ADGRB3: variants seen among roughly 807,000 people sequenced by gnomAD.
ADGRB3 encodes the protein brain-specific angiogenesis inhibitor 3.
Under a neutral mutation model 193.4 loss-of-function variants are expected in ADGRB3, and 37 were observed. The observed-to-expected ratio is 0.19, with a 90% confidence interval of 0.15 to 0.25. The LOEUF (loss-of-function observed/expected upper bound fraction) is 0.25, where lower values mean the gene tolerates loss of function less well. Ranked by LOEUF, ADGRB3 falls within the 10% of genes least tolerant of loss-of-function variation. ADGRB3 has a pLI of 1.00. For synonymous variants in ADGRB3, 690 were observed against 644.2 expected (o/e 1.07, Z -1.08); for missense variants, 1,637 against 1,852.9 (o/e 0.88, Z 2.14).
chr6:68,807,534 C>A (rs571664536), intron 3 of ADGRB3, among the ~76,000 whole-genome samples: 1 of 152,164 alleles, frequency 6.6e-6, no homozygotes, highest in Admixed American at 6.5e-5. Flanking sequence ...GCCACCGCGC[C>A]TGGCCGGATG....
At chr6:68,985,308 C>T (rs186920561) in intron 10 of ADGRB3, among the ~76,000 whole-genome samples, 1 of 152,234 alleles carries the variant, frequency 6.6e-6, no homozygotes, top group Non-Finnish European at 1.5e-5. Flanking sequence ...GAAAAGTGCT[C>T]TTTGTGATTC....
chr6:68,790,798 C>G (rs1331636260), intron 3 of ADGRB3, among the ~76,000 whole-genome samples: 1 of 152,108 alleles, frequency 6.6e-6, no homozygotes, highest in Non-Finnish European at 1.5e-5. Context: ...ACGTCACCAT[C>G]ATCAAAGACC....
chr6:68,799,019 A>G (rs1480359147), intron 3 of ADGRB3, among the ~76,000 whole-genome samples: 1 of 152,188 alleles, frequency 6.6e-6, no homozygotes, highest in Non-Finnish European at 1.5e-5. Flanking sequence ...AAGACAGTGA[A>G]AGGTTTAAAG....
At chr6:69,156,927 A>G (rs1054098495) in intron 17 of ADGRB3, among the ~76,000 whole-genome samples, 7 of 152,202 alleles carry the variant, frequency 4.6e-5, no homozygotes, top group Admixed American at 1.3e-4. Flanking sequence ...AGCAATATTT[A>G]TTACTATTCC....
chr6:68,765,535 T>TACACACACACAC, intron 3 of ADGRB3, among the ~76,000 whole-genome samples: 1 of 64,270 alleles, frequency 1.6e-5, no homozygotes, highest in Admixed American at 2.0e-4. Context: ...TATATTCTTA[T>TACACACACACAC]AGACACACAC....
intron 6 of ADGRB3, among the ~76,000 whole-genome samples, chr6:68,952,790 T>G (rs559886499): frequency 1.5e-4 from 23 of 152,318 alleles, no homozygotes; most frequent in African/African-American, 5.3e-4. Flanking sequence ...ACTGACTTTG[T>G]GAACAAAACT....
chr6:68,945,355 CTTAT>C (rs990780684), intron 6 of ADGRB3, among the ~76,000 whole-genome samples: 8 of 151,950 alleles, frequency 5.3e-5, no homozygotes, highest in South Asian at 2.1e-4. Flanking sequence ...ACCATGATTA[CTTAT>C]TTGTTAACCA....
At position 69,077,244 on chromosome 6, in the gene ADGRB3, T is replaced by C. The variant is rs181203709; in HGVS notation, c.2480+1206T>C. Among the ~76,000 whole-genome samples the C allele has an allele frequency of 4.7e-4, 71 of 152,052 alleles. 1 individual carries two copies. Among genetic ancestry groups the C allele is most frequent in the African/African-American group, 1.6e-3 (67 of 41,548 alleles). On this transcript the variant is annotated intron_variant, in intron 17 of 31. Transcript: ENST00000370598. ...ATGATAGTAAAATTTTTGCAAGCTTTCTCTCTCTACCAATAGCCAGAGAAG... is the reference window on the plus strand; with the variant it reads ...ATGATAGTAAAATTTTTGCAAGCTTCCTCTCTCTACCAATAGCCAGAGAAG...
chr6:69,014,001 A>T (rs1269384877), intron 11 of ADGRB3, 37 bp from the exon 12 acceptor site: 3 of 1,377,852 alleles, frequency 2.2e-6, no homozygotes, highest in Admixed American at 3.9e-5. Flanking sequence ...TAATTCTCTC[A>T]TGTAATATTA....
At chr6:69,220,846 A>G (rs1765878486) in intron 17 of ADGRB3, among the ~76,000 whole-genome samples, 1 of 152,140 alleles carries the variant, frequency 6.6e-6, no homozygotes, top group Non-Finnish European at 1.5e-5. Context: ...CATATTTCTC[A>G]AGCTTTTTGA....
At chr6:69,089,476 G>A (rs953494858) in intron 17 of ADGRB3, among the ~76,000 whole-genome samples, 1 of 152,084 alleles carries the variant, frequency 6.6e-6, no homozygotes, top group Non-Finnish European at 1.5e-5. Context: ...AGGATACCTA[G>A]AAATACATGG....
chr6:69,178,605 G>T (rs775427481), intron 17 of ADGRB3, among the ~76,000 whole-genome samples: 40 of 152,084 alleles, frequency 2.6e-4, no homozygotes, highest in Non-Finnish European at 5.1e-4. Flanking sequence ...TCATTTCCAT[G>T]TTTAGAACTC....
At chr6:69,331,518 T>G (rs1166773291) in intron 23 of ADGRB3, 8 of 984,984 alleles carry the variant, frequency 8.1e-6, no homozygotes, top group South Asian at 4.7e-5. Flanking sequence ...GATATGTCTG[T>G]TTTTTTCTCC....
chr6:69,061,307 C>T (rs1771743040), intron 15 of ADGRB3, among the ~76,000 whole-genome samples: 1 of 151,812 alleles, frequency 6.6e-6, no homozygotes, highest in Admixed American at 6.6e-5. Context: ...TAGTAAATTC[C>T]TCCAACCACG....
At chr6:69,024,333 T>C (rs1309961682) in intron 13 of ADGRB3, among the ~76,000 whole-genome samples, 1 of 152,178 alleles carries the variant, frequency 6.6e-6, no homozygotes, top group Non-Finnish European at 1.5e-5. Flanking sequence ...AAGATAAACT[T>C]TATGGGATTC....
intron 15 of ADGRB3, among the ~76,000 whole-genome samples, chr6:69,058,530 A>T (rs1314436479): frequency 1.3e-5 from 2 of 151,918 alleles, no homozygotes; most frequent in Admixed American, 1.3e-4. Context: ...TGAAGTATAA[A>T]GTCAGGTTTT....
At chr6:68,803,764 T>G (rs535462230) in intron 3 of ADGRB3, among the ~76,000 whole-genome samples, 56 of 152,328 alleles carry the variant, frequency 3.7e-4, no homozygotes, top group Non-Finnish European at 5.9e-4. Flanking sequence ...CGTCAGTTGA[T>G]GCACATGCCC....
intron 3 of ADGRB3, among the ~76,000 whole-genome samples, chr6:68,920,965 G>T (rs977212683): frequency 1.2e-4 from 18 of 152,074 alleles, no homozygotes; most frequent in South Asian, 2.1e-4. Context: ...GAGATTGACA[G>T]ATTTTTAAAA....
intron 21 of ADGRB3, among the ~76,000 whole-genome samples, chr6:69,326,260 G>A (rs1449269285): frequency 6.6e-6 from 1 of 152,102 alleles, no homozygotes; most frequent in Non-Finnish European, 1.5e-5. Flanking sequence ...CACAAAAGTT[G>A]AAGACTTTGT....
Sources: gnomAD v4.1 joint callset for allele counts (sites outside exome capture counted in the v4.1 genomes callset) on GRCh38, gnomAD v4.1.1 for gene constraint, MANE v1.5 for transcripts, NCBI Gene and HGNC (gene_info 2026-07-23, HGNC 2026-07-21) for gene names.